Variants in THSD1 observed in about 807,000 individuals in gnomAD.
THSD1 encodes the protein thrombospondin type-1 domain-containing protein 1.
A neutral mutation model predicts 46.3 loss-of-function variants in THSD1; 34 were observed. The ratio of observed to expected loss-of-function variants is 0.74; its 90% confidence interval spans 0.56 to 0.98. The LOEUF is 0.98. THSD1 is among the 50% of genes least tolerant of loss of function. THSD1 has a pLI of 0.00. For missense variants in THSD1, 1,023 were observed against 1,058.3 expected, an observed-to-expected ratio of 0.97 and a Z score of 0.46; for synonymous variants, 407 against 416.5, an observed-to-expected ratio of 0.98 and a Z score of 0.28.
chr13:52,379,196 C>T (rs529839802), intron 4 of THSD1, among the ~76,000 whole-genome samples: 2 of 152,124 alleles, frequency 1.3e-5, no homozygotes, highest in South Asian at 2.1e-4. Flanking sequence ...TTGCTCTGCA[C>T]GGTTTTAAGG....
At chr13:52,379,856 A>G (rs559828057) in intron 4 of THSD1, among the ~76,000 whole-genome samples, 253 of 152,344 alleles carry the variant, frequency 1.7e-3, no homozygotes, top group African/African-American at 5.9e-3. Flanking sequence ...TGAGAGGCAC[A>G]TCGGAAGTAT....
intron 3 of THSD1, among the ~76,000 whole-genome samples, chr13:52,388,732 C>T (rs923618469): frequency 3.3e-5 from 5 of 152,120 alleles, no homozygotes; most frequent in Admixed American, 6.6e-5. Flanking sequence ...CTGCCCACCT[C>T]GGCCTCCCAA....
Position 52,378,057 on chromosome 13 carries a change from C to A in THSD1, c.1913G>T (p.Gly638Val), listed in dbSNP as rs752090442. 6.2e-7 allele frequency: 1 copy of A among 1,614,128 alleles called. No homozygotes were observed. The highest frequency in any genetic ancestry group is 1.7e-5 in the Admixed American group (1 of 60,022). The change falls in exon 5 of 5, where the codon GGC (glycine) becomes GTC (valine). Residue 638 changes from glycine (G) to valine (V), a missense_variant. This residue lies in a region of THSD1 where 578 missense variants were observed against 497.4 expected (regional missense o/e 1.16). Transcript: ENST00000258613. Reference protein sequence around the residue: ...SQARHVGSRGGPSERSHARNA... With the variant: ...SQARHVGSRGVPSERSHARNA... ...CCTGGCATGGCTCCTTTCGGACGGG[C>A]CCCCTCTGCTGCCCACGTGCCTTGC...
At position 52,380,079 on chromosome 13, in the gene THSD1, C is replaced by T. The variant is rs115592961; in HGVS notation, c.1181-1290G>A. Among the ~76,000 whole-genome samples, 1,457 of 152,232 alleles carry T rather than the reference C, an allele frequency of 9.6e-3. 23 individuals carry two copies. The highest frequency in any genetic ancestry group is 0.033 in the African/African-American group (1,363 of 41,528). On this transcript the variant is annotated intron_variant, in intron 4 of 4. Transcript: ENST00000258613. ...GCCATCCACTCCCCTTCCTACCTTC[C>T]ATTGTGAGGGGTACTTTTCTTCTTT...
intron 4 of THSD1, among the ~76,000 whole-genome samples, chr13:52,381,530 G>A (rs767155000): frequency 9.9e-5 from 15 of 152,172 alleles, no homozygotes; most frequent in Non-Finnish European, 2.1e-4. Context: ...CATCAGGCAA[G>A]TACATGCCCA....
chr13:52,393,258 T>C (rs906980886), intron 3 of THSD1, among the ~76,000 whole-genome samples: 1 of 152,200 alleles, frequency 6.6e-6, no homozygotes, highest in Admixed American at 6.5e-5. Flanking sequence ...TATGGGTTAA[T>C]ATCCATAAAA....
At chr13:52,382,758 T>C (rs1053997454) in intron 4 of THSD1, among the ~76,000 whole-genome samples, 5 of 152,164 alleles carry the variant, frequency 3.3e-5, no homozygotes, top group Non-Finnish European at 7.4e-5. Flanking sequence ...CCCAGCACTT[T>C]GGGAGGCTGA....
rs1020319060 is a variant in THSD1 at position 52,406,063 on chromosome 13, G to C, written c.-114C>G. On this transcript the variant is annotated 5_prime_UTR_variant, in exon 1 of 5. Coordinates refer to ENST00000258613, the MANE Select transcript of THSD1 (RefSeq NM_018676.4). ...GACTGACGGGCAGCAACCCCAGGCC[G>C]TCCGGGCGCGTGGCGAGGCGGACGG... The C allele has an allele frequency of 2.6e-5, 4 of 152,458 alleles. No individual in the cohort carries two copies. In the East Asian group the frequency reaches 7.7e-4, roughly 29 times the overall value. The allele number at this position is 152,458 out of a possible 1,614,324, so 9.4% of individuals were successfully genotyped here. A position where few individuals can be genotyped will look rare whatever the true frequency, so the allele number is the denominator to read the frequency against.
intron 3 of THSD1, among the ~76,000 whole-genome samples, chr13:52,394,290 T>C (rs1957795746): frequency 6.6e-6 from 1 of 152,200 alleles, no homozygotes; most frequent in Non-Finnish European, 1.5e-5. Flanking sequence ...AGTCAGTTTT[T>C]TTTCCCCATG....
At chr13:52,379,658 A>T (rs1263740747) in intron 4 of THSD1, among the ~76,000 whole-genome samples, 1 of 151,928 alleles carries the variant, frequency 6.6e-6, no homozygotes, top group Non-Finnish European at 1.5e-5. Context: ...AATTTTTAGT[A>T]AAAACAGGGT....
intron 4 of THSD1, among the ~76,000 whole-genome samples, chr13:52,385,297 G>A (rs567663321): frequency 6.6e-6 from 1 of 152,318 alleles, no homozygotes; most frequent in East Asian, 1.9e-4. Flanking sequence ...TCAGGAGGCG[G>A]GATGGTGTGT....
chr13:52,389,634 G>C (rs923435579), intron 3 of THSD1, among the ~76,000 whole-genome samples: 1 of 151,866 alleles, frequency 6.6e-6, no homozygotes, highest in African/African-American at 2.4e-5. Context: ...TGCAGAACCA[G>C]GGATATTACC....
chr13:52,378,414 T>C lies in THSD1; in HGVS notation c.1556A>G (p.Asn519Ser). The change falls in exon 5 of 5, where the codon AAC (asparagine) becomes AGC (serine). Residue 519 changes from asparagine (N) to serine (S), a missense_variant. By Grantham distance (46) the Asn-to-Ser change is conservative. This residue lies in a region of THSD1 where 578 missense variants were observed against 497.4 expected (regional missense o/e 1.16). Transcript: ENST00000258613. Reference protein sequence around the residue: ...DASGSESFQSNAQKIIPPLFS... With the variant: ...DASGSESFQSSAQKIIPPLFS... ...CAGAGGTGGGATTATCTTCTGGGCG[T>C]TGGACTGGAAGCTCTCGCTGCCAGA... 19 of 1,614,038 alleles carry C rather than the reference T, an allele frequency of 1.2e-5. No individual in the cohort carries two copies. The highest frequency in any genetic ancestry group is 1.6e-5 in the Non-Finnish European group (19 of 1,180,012).
chr13:52,382,514 G>C (rs570438212), intron 4 of THSD1, among the ~76,000 whole-genome samples: 2 of 152,082 alleles, frequency 1.3e-5, no homozygotes, highest in Admixed American at 6.6e-5. Context: ...TATTAATCCC[G>C]TTTACTTGGC....
intron 4 of THSD1, among the ~76,000 whole-genome samples, chr13:52,380,897 C>T (rs745698100): frequency 6.6e-6 from 1 of 152,116 alleles, no homozygotes; most frequent in Non-Finnish European, 1.5e-5. Context: ...CCATCATCTC[C>T]CAACCTCCTG....
At chr13:52,384,469 T>C (rs377698642) in intron 4 of THSD1, 5 of 452,778 alleles carry the variant, frequency 1.1e-5, no homozygotes, top group East Asian at 7.0e-5. Flanking sequence ...GTGTGCAAGG[T>C]CCTTAGAAAA....
At chr13:52,387,978 T>C (rs61958014) in intron 3 of THSD1, among the ~76,000 whole-genome samples, 5,902 of 151,950 alleles carry the variant, frequency 0.039, 139 homozygotes, top group South Asian at 0.07. Flanking sequence ...GCAGGATAAA[T>C]AGAAAAAGCA....
chr13:52,383,729 A>G (rs549196443), intron 4 of THSD1, among the ~76,000 whole-genome samples: 55 of 152,362 alleles, frequency 3.6e-4, no homozygotes, highest in African/African-American at 1.3e-3. Flanking sequence ...ACATCTTTAC[A>G]TTTCCAAAGA....
chr13:52,404,410 T>A (rs1427333835), intron 1 of THSD1, among the ~76,000 whole-genome samples: 1 of 152,208 alleles, frequency 6.6e-6, no homozygotes, highest in East Asian at 1.9e-4. Flanking sequence ...CAGCAAGAGC[T>A]GCTGAACAAA....
Sources: gnomAD v4.1 joint callset for allele counts (sites outside exome capture counted in the v4.1 genomes callset) on GRCh38, gnomAD v4.1.1 for gene constraint, gnomAD v4.1.1 regional missense constraint, MANE v1.5 for transcripts, NCBI Gene and HGNC (gene_info 2026-07-23, HGNC 2026-07-21) for gene names.